The following LRRCC1 variants were observed in gnomAD, a reference collection of about 807,000 sequenced individuals.
LRRCC1 encodes leucine-rich repeat and coiled-coil domain-containing protein 1.
In LRRCC1, 115 loss-of-function variants were observed where a neutral mutation model predicts 126.0. The ratio of observed to expected loss-of-function variants is 0.91; its 90% CI spans 0.78 to 1.07. The LOEUF (loss-of-function observed/expected upper bound fraction) is 1.07. Among genes scored for constraint, LRRCC1 ranks in the 50% least tolerant of loss-of-function variants. The pLI is 0.00. For synonymous variants in LRRCC1, 400 were observed against 393.4 expected, an observed-to-expected ratio of 1.02 and a Z score of -0.20; for missense variants, 1,172 against 1,175.7, an observed-to-expected ratio of 1.00 and a Z score of 0.05.
rs1809682616 is a variant in LRRCC1, at chr8:85,122,965, T to TC, written c.931-446dup. Among the ~76,000 whole-genome samples the TC allele has an allele frequency of 1.3e-5, 2 of 152,210 alleles. 1 individual carries two copies. Among genetic ancestry groups the TC allele is most frequent in the South Asian group, 4.1e-4 (2 of 4,832 alleles). On this transcript the variant is annotated intron_variant, in intron 6 of 18. Coordinates refer to ENST00000360375, the MANE Select transcript of LRRCC1 (RefSeq NM_033402.5). ...TTGTTCTTTGCTGGGCCACTTGCAG[T>TC]CCACTTCATACTGCCCTCTGGTTCT...
intron 4 of LRRCC1, 75 bp downstream of exon 4, chr8:85,113,174 C>A: frequency 1.8e-6 from 2 of 1,139,496 alleles, no homozygotes; most frequent in South Asian, 1.4e-5. Flanking sequence ...AATTGGCATT[C>A]GTGACCTCAT....
rs1311907972 is a variant in LRRCC1 at position 85,110,141 on chromosome 8, A to C, written c.337A>C (p.Arg113=). Residue 113 remains arginine, a synonymous_variant, in exon 3 of 19, where the codon AGA becomes CGA. Coordinates refer to ENST00000360375, the MANE Select transcript of LRRCC1 (RefSeq NM_033402.5). The part of the protein sequence containing the change: ...EGLEELINLT[R]LNVSYNHIDD... ...ACTTGAAGAACTAATTAATCTGACT[A>C]GACTAAATGTATCTTATAACCACAT... is the stretch of plus-strand genomic sequence containing the variant. 9 of 1,329,500 alleles carry C rather than the reference A, an allele frequency of 6.8e-6. No homozygotes were observed. Among genetic ancestry groups the C allele is most frequent in the Non-Finnish European group, 9.4e-6 (9 of 962,168 alleles). 82.4% of individuals were successfully genotyped at this position (1,329,500 alleles called of 1,614,324 possible).
At position 85,144,463 on chromosome 8, in the gene LRRCC1, TATATATATA is replaced by T. The variant is rs1402759284; in HGVS notation, c.2977-925_2977-917del. ...GTGTGTGTATATATATATATATATA[TATATATATA>T]TATTTTTTTTTTTTTTGAGATGGAG... On this transcript the variant is annotated intron_variant, in intron 18 of 18. Coordinates refer to ENST00000360375, the MANE Select transcript of LRRCC1 (RefSeq NM_033402.5). Among the ~76,000 whole-genome samples the T allele has an allele frequency of 5.7e-3, 273 of 48,266 alleles. 3 individuals are homozygous for T. The highest frequency in any genetic ancestry group is 0.017 in the African/African-American group (202 of 12,040). 31.7% of individuals were successfully genotyped at this position (48,266 alleles called of 152,430 possible).
chr8:85,113,068 T>C lies in LRRCC1; in HGVS notation c.513T>C (p.Asp171=), dbSNP rs375223493. ...TGACCAATCTTATTTTGGAGAAAGA[T>C]GGAGACGATAATCCTGTCTGTCGAC... is the stretch of plus-strand genomic sequence containing the variant. ...HFLTNLILEK[D]GDDNPVCRLP... is the part of the protein sequence containing the mutation. Residue 171 remains aspartate, a synonymous_variant, in exon 4 of 19, where the codon GAT becomes GAC. Transcript: ENST00000360375. 2.2e-4 allele frequency: 352 copies of C among 1,612,162 alleles called. 1 individual carries two copies. Among genetic ancestry groups the C allele is most frequent in the Non-Finnish European group, 2.8e-4 (326 of 1,179,230 alleles).
At chr8:85,145,131 A>ATATATG (rs1811584138) in intron 18 of LRRCC1, among the ~76,000 whole-genome samples, 1 of 150,034 alleles carries the variant, frequency 6.7e-6, no homozygotes, top group Non-Finnish European at 1.5e-5. Context: ...ATATATATAT[A>ATATATG]TATAGCCATG....
intron 18 of LRRCC1, 66 bp from the exon 19 acceptor site, chr8:85,145,323 C>T (rs1314372151): frequency 8.1e-7 from 1 of 1,240,374 alleles, no homozygotes; most frequent in East Asian, 2.8e-5. Flanking sequence ...CCTTTTCTTT[C>T]AGAATGCATT....
intron 12 of LRRCC1, among the ~76,000 whole-genome samples, chr8:85,132,533 C>T (rs969341632): frequency 1.3e-5 from 2 of 152,014 alleles, no homozygotes; most frequent in Non-Finnish European, 2.9e-5. Flanking sequence ...GCTGGGACTA[C>T]AGTCACAGGC....
intron 15 of LRRCC1, 70 bp from the exon 16 acceptor site, chr8:85,137,965 C>T (rs1810988069): frequency 2.7e-6 from 2 of 740,460 alleles, no homozygotes; most frequent in Non-Finnish European, 4.3e-6. Context: ...TAAATTAAAC[C>T]ATATCTAATT....
At chr8:85,142,219 G>A (rs1353823582) in intron 18 of LRRCC1, among the ~76,000 whole-genome samples, 16 of 151,976 alleles carry the variant, frequency 1.1e-4, no homozygotes, top group Non-Finnish European at 2.2e-4. Flanking sequence ...GCTTGAACCC[G>A]GAGGTGGAGG....
chr8:85,113,017 T>A lies in LRRCC1; in HGVS notation c.462T>A (p.Leu154=). 1 of 1,608,146 alleles carries A rather than the reference T, an allele frequency of 6.2e-7. No individual in the cohort carries two copies. Residue 154 remains leucine (L), a synonymous_variant, in exon 4 of 19, where the codon CTT becomes CTA. Coordinates refer to ENST00000360375, the MANE Select transcript of LRRCC1 (RefSeq NM_033402.5). The part of the protein sequence containing the change: ...SNRIDSIHHL[L]QCMVGLHFLT... Reference sequence around the variant, plus strand: ...GTATAGATAGTATCCATCACTTACTTCAGTGTATGGTAGGATTGCACTTCC... The same window carrying A: ...GTATAGATAGTATCCATCACTTACTACAGTGTATGGTAGGATTGCACTTCC...
intron 18 of LRRCC1, among the ~76,000 whole-genome samples, chr8:85,144,468 A>ATTTT (rs1563963585): frequency 2.5e-5 from 1 of 40,502 alleles, no homozygotes; most frequent in Non-Finnish European, 4.0e-5. Flanking sequence ...ATATATATAT[A>ATTTT]TATATATTTT....
rs576247785 is a variant in LRRCC1, at chr8:85,129,422, A to G, written c.1626+43A>G. 7 of 1,464,112 alleles carry G rather than the reference A, an allele frequency of 4.8e-6. No individual in the cohort carries two copies. In the South Asian group the frequency reaches 7.4e-5, roughly 16 times the overall value. 90.7% of individuals were successfully genotyped at this position (1,464,112 alleles called of 1,614,324 possible). A position where few individuals can be genotyped will look rare whatever the true frequency, so the allele number is the denominator to read the frequency against. ...TATATGAGTAGCACAGATTAACACA[A>G]ATTCATAGCTTCTATCGTGAAACAA... On this transcript the variant is annotated intron_variant, in intron 10 of 18. Coordinates refer to ENST00000360375, the MANE Select transcript of LRRCC1 (RefSeq NM_033402.5).
chr8:85,138,425 C>T lies in LRRCC1; in HGVS notation c.2790C>T (p.Asn930=), dbSNP rs768423664. The T allele has an allele frequency of 7.4e-6, 12 of 1,612,328 alleles. No individual in the cohort carries two copies. Among genetic ancestry groups the T allele is most frequent in the South Asian group, 6.6e-5 (6 of 90,720 alleles). Residue 930 remains asparagine, a synonymous_variant, in exon 17 of 19, where the codon AAC becomes AAT. Transcript: ENST00000360375. ...QVKEVKEKFE[N]KEKKLKAERD... ...AAGAAGTGAAAGAAAAATTTGAAAA[C>T]AAGGAAAAGAAACTTAAAGCGGAAA...
rs1263734534 is a variant in LRRCC1, at chr8:85,137,556, G to A, written c.2422G>A (p.Asp808Asn). The A allele has an allele frequency of 1.9e-6, 3 of 1,558,980 alleles. No homozygotes were observed. The highest frequency in any genetic ancestry group is 2.6e-6 in the Non-Finnish European group (3 of 1,157,418). ...ATGTCTGCGAAAGACAAATGAAAGTGATAGTGATGCATTAAGAATAAAGTG... is the reference window on the plus strand; with the variant it reads ...ATGTCTGCGAAAGACAAATGAAAGTAATAGTGATGCATTAAGAATAAAGTG... Reference protein sequence around the residue: ...NECLRKTNESDSDALRIKCKI... With the variant: ...NECLRKTNESNSDALRIKCKI... Residue 808 changes from aspartate to asparagine, a missense_variant, in exon 15 of 19, where the codon GAT becomes AAT. Coordinates refer to ENST00000360375, the MANE Select transcript of LRRCC1 (RefSeq NM_033402.5).
chr8:85,124,588 A>G (rs1809823012), intron 7 of LRRCC1, among the ~76,000 whole-genome samples: 1 of 152,156 alleles, frequency 6.6e-6, no homozygotes, highest in African/African-American at 2.4e-5. Flanking sequence ...TGAAATCATT[A>G]TCTTTTTTAA....
In LRRCC1 at chr8:85,112,958, C is replaced by A; in HGVS notation, c.403C>A (p.His135Asn). The A allele has an allele frequency of 6.3e-7, 1 of 1,578,020 alleles. No homozygotes were observed. Among genetic ancestry groups the A allele is most frequent in the Admixed American group, 1.9e-5 (1 of 53,786 alleles). The change falls in exon 4 of 19, where the codon CAT becomes AAT. Residue 135 changes from histidine to asparagine, a missense_variant. Physicochemically the swap from His to Asn is moderately conservative, Grantham distance 68. Transcript: ENST00000360375. ...SGLIPLHGIK[H>N]KLRYIDLHSN... ...ATTGATTCCCCTTCATGGAATTAAG[C>A]ATAAACTTAGATATATTGATCTACA...
At chr8:85,136,937 GC>G (rs1285694433) in intron 14 of LRRCC1, among the ~76,000 whole-genome samples, 4 of 151,942 alleles carry the variant, frequency 2.6e-5, no homozygotes, top group Non-Finnish European at 5.9e-5. Context: ...CAATTCTCCT[GC>G]CTCATCCTCC....
At position 85,109,240 on chromosome 8, in the gene LRRCC1, G is replaced by A. The variant is rs540042420; in HGVS notation, c.105-355G>A. 9 of 203,078 alleles carry A rather than the reference G, an allele frequency of 4.4e-5. No homozygotes were observed. In the Admixed American group the frequency reaches 4.6e-4, roughly 10 times the overall value. The allele number at this position is 203,078 out of a possible 1,614,324, so 12.6% of individuals were successfully genotyped here. A position where few individuals can be genotyped will look rare whatever the true frequency, so the allele number is the denominator to read the frequency against. On this transcript the variant is annotated intron_variant, in intron 1 of 18. Transcript: ENST00000360375. Reference sequence around the variant, plus strand: ...TTTGCTCAAATCACACAGCAAAACCGTGATAGAATGCAGATTCAAACTGGG... The same window carrying A: ...TTTGCTCAAATCACACAGCAAAACCATGATAGAATGCAGATTCAAACTGGG...
rs773675354 is a variant in LRRCC1, at chr8:85,115,372, T to C, written c.721-3T>C. On this transcript the variant is annotated splice_region_variant and splice_polypyrimidine_tract_variant and intron_variant, in intron 5 of 18. Coordinates refer to ENST00000360375, the MANE Select transcript of LRRCC1 (RefSeq NM_033402.5). ...AGGATTTTGGTTTGTTTCTGTGTCA[T>C]AGATCATTGATAGAATGCCAGTGAT... 4 of 1,611,244 alleles carry C rather than the reference T, an allele frequency of 2.5e-6. No homozygotes were observed. The highest frequency in any genetic ancestry group is 3.4e-6 in the Non-Finnish European group (4 of 1,177,740).
Sources: allele counts gnomAD v4.1 joint callset (sites outside exome capture counted in the v4.1 genomes callset), GRCh38; gene constraint gnomAD v4.1.1; transcripts MANE v1.5; gene names NCBI Gene and HGNC (gene_info 2026-07-23, HGNC 2026-07-21).